The following CFAP54 variants were observed in gnomAD, a reference collection of about 807,000 sequenced individuals.
The protein encoded by CFAP54 is cilia and flagella associated protein 54, also known as cilia- and flagella-associated protein 54.
In CFAP54, 290 loss-of-function variants were observed where a neutral mutation model predicts 370.4. The observed-to-expected ratio is 0.78, with a 90% confidence interval of 0.71 to 0.86. The LOEUF (loss-of-function observed/expected upper bound fraction) is 0.86. Among genes scored for constraint, CFAP54 ranks in the 40% least tolerant of loss-of-function variants. CFAP54 has a pLI of 0.00. For missense variants in CFAP54, 3,399 were observed against 3,528.7 expected (o/e 0.96, Z 0.93); for synonymous variants, 1,206 against 1,236.5 (o/e 0.98, Z 0.52).
chr12:96,783,513 A>G (rs907874052), intron 60 of CFAP54, among the ~76,000 whole-genome samples: 5 of 152,230 alleles, frequency 3.3e-5, no homozygotes, highest in South Asian at 2.1e-4. Context: ...ATCATACTCT[A>G]TATCACCTGG....
chr12:96,808,735 A>G (rs1032822748), intron 63 of CFAP54, among the ~76,000 whole-genome samples: 2 of 152,314 alleles, frequency 1.3e-5, no homozygotes, highest in African/African-American at 4.8e-5. Context: ...CACATTTTCT[A>G]TAAAAAATGC....
At position 96,720,570 on chromosome 12, in the gene CFAP54, G is replaced by A. The variant is rs1030067106; in HGVS notation, c.6965+5G>A. 4.6e-6 allele frequency: 7 copies of A among 1,518,946 alleles called. No homozygotes were observed. Among genetic ancestry groups the A allele is most frequent in the South Asian group, 3.8e-5 (3 of 79,976 alleles). 94.1% of individuals were successfully genotyped at this position (1,518,946 alleles called of 1,614,324 possible). On this transcript the variant is annotated splice_donor_5th_base_variant and intron_variant, in intron 50 of 67. Transcript: ENST00000524981. ...GAGGCACCGGGCGGCATACAGGTGC[G>A]TCTCTCCATGCACAGGGGAGGGATA...
At chr12:96,573,833 G>A (rs1418923855) in intron 19 of CFAP54, among the ~76,000 whole-genome samples, 1 of 152,126 alleles carries the variant, frequency 6.6e-6, no homozygotes. Flanking sequence ...TAGAAACATG[G>A]TTACCATGTA....
chr12:96,682,205 C>T (rs2094857976), intron 40 of CFAP54: 2 of 985,476 alleles, frequency 2.0e-6, no homozygotes, highest in African/African-American at 3.5e-5. Context: ...TGCCTGGGGA[C>T]AGAGGAGATG....
At chr12:96,557,868 A>C (rs914299839) in intron 17 of CFAP54, among the ~76,000 whole-genome samples, 1 of 152,118 alleles carries the variant, frequency 6.6e-6, no homozygotes, top group African/African-American at 2.4e-5. Context: ...TAAATTTATC[A>C]TATAAGGAAA....
chr12:96,619,456 C>T (rs1956461066), intron 26 of CFAP54, among the ~76,000 whole-genome samples: 1 of 136,768 alleles, frequency 7.3e-6, no homozygotes, highest in South Asian at 2.4e-4. Flanking sequence ...ATGGTTGAGT[C>T]TTTCTTCTTT....
In CFAP54 at chr12:96,554,371, C is replaced by G. The variant is rs1185082497; in HGVS notation, c.2283+61C>G. 7.0e-6 allele frequency: 10 copies of G among 1,436,382 alleles called. No homozygotes were observed. The East Asian group carries it at 2.1e-4, about 30-fold the overall frequency. The allele number at this position is 1,436,382 out of a possible 1,614,324, so 89.0% of individuals were successfully genotyped here. On this transcript the variant is annotated intron_variant, in intron 16 of 67. Transcript: ENST00000524981. Reference sequence around the variant, plus strand: ...TTACTTAACTGGGAAGAAAACTGGCCTTGAAAGTAGGTAAGTAAAGCATGA... The same window carrying G: ...TTACTTAACTGGGAAGAAAACTGGCGTTGAAAGTAGGTAAGTAAAGCATGA...
At chr12:96,624,945 G>A (rs1956534852) in intron 28 of CFAP54, among the ~76,000 whole-genome samples, 1 of 152,090 alleles carries the variant, frequency 6.6e-6, no homozygotes, top group South Asian at 2.1e-4. Flanking sequence ...AAAACATACA[G>A]TGTTCTAGAA....
At chr12:96,829,886 C>G (rs1411526720) in intron 66 of CFAP54, among the ~76,000 whole-genome samples, 5 of 152,074 alleles carry the variant, frequency 3.3e-5, no homozygotes, top group African/African-American at 1.2e-4. Flanking sequence ...TCCTCCTCCC[C>G]CACCACCCCA....
chr12:96,590,325 C>A (rs1242526431), intron 23 of CFAP54, among the ~76,000 whole-genome samples: 1 of 152,158 alleles, frequency 6.6e-6, no homozygotes, highest in Admixed American at 6.5e-5. Flanking sequence ...TATAAAATTA[C>A]TATCCTTCGT....
chr12:96,841,718 G>A (rs1959218729), intron 66 of CFAP54, among the ~76,000 whole-genome samples: 1 of 152,186 alleles, frequency 6.6e-6, no homozygotes, highest in Non-Finnish European at 1.5e-5. Flanking sequence ...TCTAGTCCCA[G>A]TTTCGCCCTT....
intron 66 of CFAP54, among the ~76,000 whole-genome samples, chr12:96,829,421 G>A (rs1592793025): frequency 6.6e-6 from 1 of 151,886 alleles, no homozygotes; most frequent in African/African-American, 2.4e-5. Context: ...TATACCAATG[G>A]TATCATACTT....
intron 66 of CFAP54, among the ~76,000 whole-genome samples, chr12:96,834,758 A>C (rs1042257520): frequency 6.6e-6 from 1 of 152,168 alleles, no homozygotes; most frequent in Non-Finnish European, 1.5e-5. Flanking sequence ...ATGGCGAGCA[A>C]AGGTCATGTT....
Position 96,554,306 on chromosome 12 carries a change from C to T in CFAP54, c.2279C>T (p.Ala760Val). 1.3e-6 allele frequency: 2 copies of T among 1,512,460 alleles called. No individual in the cohort carries two copies. The highest frequency in any genetic ancestry group is 8.8e-7 in the Non-Finnish European group (1 of 1,138,942). 93.7% of individuals were successfully genotyped at this position (1,512,460 alleles called of 1,614,324 possible). ...TCATCAGTAATTGACCACTGCTATG[C>T]CAAGGTAAGAATGGAAGAGTCTTAA... is the stretch of plus-strand genomic sequence containing the variant. ...NGSSVIDHCYAKRTHHIDGDT... is the reference protein window; with the variant it reads ...NGSSVIDHCYVKRTHHIDGDT... Residue 760 changes from alanine (A) to valine (V), a missense_variant, in exon 16 of 68, where the codon GCC (alanine) becomes GTC (valine). Physicochemically the swap from Ala to Val is moderately conservative, Grantham distance 64 (BLOSUM62 0). Coordinates refer to ENST00000524981, the MANE Select transcript of CFAP54 (RefSeq NM_001306084.2).
chr12:96,597,470 A>G (rs1352577177), intron 25 of CFAP54, among the ~76,000 whole-genome samples: 4 of 151,970 alleles, frequency 2.6e-5, no homozygotes, highest in African/African-American at 9.7e-5. Context: ...ATTTACTGTG[A>G]CATTCTTGGT....
At chr12:96,844,245 A>T (rs1479593204) in intron 66 of CFAP54, among the ~76,000 whole-genome samples, 1 of 152,108 alleles carries the variant, frequency 6.6e-6, no homozygotes, top group Non-Finnish European at 1.5e-5. Flanking sequence ...GATCCAGGTG[A>T]TCTCTAAATG....
chr12:96,507,082 G>C lies in CFAP54; in HGVS notation c.722G>C (p.Cys241Ser). ...GTGGCTCTGCCACAAGAGCATCTTT[G>C]CTGGATTATCTTCAATGGTATATGC... ...MQVALPQEHL[C>S]WIIFNGTIYI... Residue 241 changes from cysteine to serine, a missense_variant, in exon 4 of 68, where the codon TGC (cysteine) becomes TCC (serine). Physicochemically the swap from Cys to Ser is moderately radical, Grantham distance 112. Transcript: ENST00000524981. 2.0e-6 allele frequency: 3 copies of C among 1,531,386 alleles called. No individual in the cohort carries two copies. The highest frequency in any genetic ancestry group is 2.6e-6 in the Non-Finnish European group (3 of 1,145,560). The allele number at this position is 1,531,386 out of a possible 1,614,324, so 94.9% of individuals were successfully genotyped here. A position where few individuals can be genotyped will look rare whatever the true frequency, so the allele number is the denominator to read the frequency against.
intron 19 of CFAP54, among the ~76,000 whole-genome samples, chr12:96,573,829 C>T (rs1361838995): frequency 1.3e-5 from 2 of 152,158 alleles, no homozygotes; most frequent in African/African-American, 4.8e-5. Context: ...GCTCTAGAAA[C>T]ATGGTTACCA....
chr12:96,742,038 C>A (rs1005729809), intron 51 of CFAP54, among the ~76,000 whole-genome samples: 1 of 152,170 alleles, frequency 6.6e-6, no homozygotes, highest in African/African-American at 2.4e-5. Context: ...TAGCACAGTA[C>A]CTGACACATA....
Sources: allele counts gnomAD v4.1 joint callset (sites outside exome capture counted in the v4.1 genomes callset), GRCh38; gene constraint gnomAD v4.1.1; transcripts MANE v1.5; gene names NCBI Gene and HGNC (gene_info 2026-07-23, HGNC 2026-07-21).